Variants in VGLL4 observed in about 807,000 individuals in gnomAD.
VGLL4 encodes vestigial like family member 4, also known as transcription cofactor vestigial-like protein 4.
In VGLL4, 7 loss-of-function variants were observed where a neutral mutation model predicts 21.0. The ratio of observed to expected loss-of-function variants is 0.33; its 90% CI spans 0.19 to 0.63. The LOEUF (loss-of-function observed/expected upper bound fraction) is 0.63, where lower values mean the gene tolerates loss of function less well. VGLL4 is among the 20% of genes least tolerant of loss of function. VGLL4 has a pLI of 0.78. For synonymous variants in VGLL4, 222 were observed against 173.2 expected, an observed-to-expected ratio of 1.28 and a Z score of -2.21; for missense variants, 394 against 425.7, an observed-to-expected ratio of 0.93 and a Z score of 0.66.
rs146236731 is a variant in VGLL4, at chr3:11,683,299, C to T, written c.64+19672G>A. On this transcript the variant is annotated intron_variant, in intron 2 of 5. Transcript: ENST00000273038. ...AGGAAACAATAGATGTTGGCATAGA[C>T]ATGGTGAAAAGGGAACACTTAAATA... 2.2e-3 allele frequency among the ~76,000 whole-genome samples: 342 copies of T among 152,208 alleles called. 2 individuals carry two copies. The highest frequency in any genetic ancestry group is 7.9e-3 in the African/African-American group (329 of 41,528).
chr3:11,651,941 C>T (rs1040146928), intron 2 of VGLL4, among the ~76,000 whole-genome samples: 5 of 152,102 alleles, frequency 3.3e-5, no homozygotes, highest in African/African-American at 1.2e-4. Flanking sequence ...TATCATTAAA[C>T]TATGTCTTAG....
Position 11,568,754 on chromosome 3 carries a change from G to T in VGLL4, c.273-3735C>A. On this transcript the variant is annotated intron_variant, in intron 2 of 4. Coordinates refer to ENST00000430365, the MANE Select transcript of VGLL4 (RefSeq NM_001128219.3). This position sits in a 1 kb window ranked among gnomAD's most constrained non-coding sequence, Gnocchi z 5.9. ...AGAAAACCGCACGCATCCTGCCCGG[G>T]AGATGGAAGTCGCCTCCGCTCCTGG... is the stretch of plus-strand genomic sequence containing the variant. 6.6e-7 allele frequency: 1 copy of T among 1,514,238 alleles called. No homozygotes were observed. Among genetic ancestry groups the T allele is most frequent in the Non-Finnish European group, 8.8e-7 (1 of 1,130,862 alleles). 93.8% of individuals were successfully genotyped at this position (1,514,238 alleles called of 1,614,324 possible).
intron 1 of VGLL4, among the ~76,000 whole-genome samples, chr3:11,602,666 C>T (rs1013702567): frequency 2.6e-5 from 4 of 152,098 alleles, no homozygotes; most frequent in African/African-American, 4.8e-5. Flanking sequence ...AAGCATAATA[C>T]GTGGGTAGGT....
In VGLL4 at chr3:11,643,614, A is replaced by G. The variant is rs542361185; in HGVS notation, c.-96T>C. On this transcript the variant is annotated 5_prime_UTR_variant, in exon 1 of 5. Coordinates refer to ENST00000430365, the MANE Select transcript of VGLL4 (RefSeq NM_001128219.3). The stretch of plus-strand genomic sequence containing the variant: ...TTGCTGAGTAGCTCCTGGCTCTTCA[A>G]CTTCACAAAGGCAGAGGCCCAGCCT... The G allele has an allele frequency of 3.2e-6, 5 of 1,586,454 alleles. No individual in the cohort carries two copies. Among genetic ancestry groups the G allele is most frequent in the East Asian group, 2.2e-5 (1 of 44,530 alleles).
chr3:11,593,811 A>G (rs1046880814), intron 2 of VGLL4, among the ~76,000 whole-genome samples: 1 of 152,186 alleles, frequency 6.6e-6, no homozygotes, highest in African/African-American at 2.4e-5. Flanking sequence ...CCGTGTTTCA[A>G]AGGCCCCCCA....
At chr3:11,695,462 T>G (rs1028413435) in intron 2 of VGLL4, among the ~76,000 whole-genome samples, 8 of 152,116 alleles carry the variant, frequency 5.3e-5, no homozygotes, top group Non-Finnish European at 1.0e-4. Flanking sequence ...TATACATACC[T>G]ATGTGTGTAT....
chr3:11,567,270 A>G (rs1375064936), intron 2 of VGLL4, among the ~76,000 whole-genome samples: 3 of 152,136 alleles, frequency 2.0e-5, no homozygotes, highest in Non-Finnish European at 4.4e-5. Context: ...AAACAATCAG[A>G]GCGGCGCAGT....
intron 1 of VGLL4, among the ~76,000 whole-genome samples, chr3:11,714,979 C>CA (rs1225572051): frequency 1.3e-5 from 2 of 151,618 alleles, no homozygotes; most frequent in East Asian, 2.0e-4. Context: ...ATTAAAAATA[C>CA]AAAAAATTAG....
At chr3:11,603,335 G>C (rs1048324843) in intron 1 of VGLL4, among the ~76,000 whole-genome samples, 2 of 152,048 alleles carry the variant, frequency 1.3e-5, no homozygotes, top group African/African-American at 4.8e-5. Flanking sequence ...AAGCAAACTG[G>C]AACTTTCCAT....
At chr3:11,651,113 C>T (rs894560898) in intron 2 of VGLL4, among the ~76,000 whole-genome samples, 2 of 151,958 alleles carry the variant, frequency 1.3e-5, no homozygotes, top group Admixed American at 6.5e-5. Context: ...TTTGGGAGGG[C>T]GGGTGGATCA....
chr3:11,715,624 G>C (rs934638489), intron 1 of VGLL4, among the ~76,000 whole-genome samples: 1 of 152,098 alleles, frequency 6.6e-6, no homozygotes, highest in Non-Finnish European at 1.5e-5. Context: ...GTGAGCCACC[G>C]GGCCCGGCCC....
At position 11,673,999 on chromosome 3, in the gene VGLL4, G is replaced by A. The variant is rs184268950; in HGVS notation, c.64+28972C>T. ...TGCACTCCAGCCTGGGTGACAGAGCGAGACTTTGTCTCAAAAAAAAAAAAA... is the reference window on the plus strand; with the variant it reads ...TGCACTCCAGCCTGGGTGACAGAGCAAGACTTTGTCTCAAAAAAAAAAAAA... On this transcript the variant is annotated intron_variant, in intron 2 of 5. Coordinates refer to the VGLL4 transcript ENST00000273038. 6.3e-3 allele frequency among the ~76,000 whole-genome samples: 784 copies of A among 123,502 alleles called. 7 individuals carry two copies. Among genetic ancestry groups the A allele is most frequent in the African/African-American group, 0.023 (732 of 31,796 alleles). The allele number at this position is 123,502 out of a possible 152,430, so 81.0% of individuals were successfully genotyped here.
intron 1 of VGLL4, chr3:11,604,433 G>A: frequency 1.0e-6 from 1 of 957,366 alleles, no homozygotes; most frequent in African/African-American, 1.8e-5. Flanking sequence ...TTACAGCAAA[G>A]GAAAAGAATC....
intron 1 of VGLL4, among the ~76,000 whole-genome samples, chr3:11,628,146 T>C (rs897751364): frequency 5.3e-5 from 8 of 152,164 alleles, no homozygotes; most frequent in Admixed American, 1.3e-4. Context: ...CCCAGCACTT[T>C]GGGAGGCCAA....
chr3:11,651,304 T>C (rs969341246), intron 2 of VGLL4, among the ~76,000 whole-genome samples: 4 of 148,280 alleles, frequency 2.7e-5, no homozygotes, highest in Non-Finnish European at 4.5e-5. Context: ...GATTGTACCA[T>C]TGCACTCCAG....
intron 1 of VGLL4, among the ~76,000 whole-genome samples, chr3:11,638,394 G>T (rs1288541775): frequency 6.6e-6 from 1 of 152,062 alleles, no homozygotes; most frequent in Non-Finnish European, 1.5e-5. Flanking sequence ...GAGCTGGAAG[G>T]AAGGGTATAA....
intron 2 of VGLL4, among the ~76,000 whole-genome samples, chr3:11,597,341 T>A (rs1436233134): frequency 6.6e-6 from 1 of 152,160 alleles, no homozygotes; most frequent in Non-Finnish European, 1.5e-5. Context: ...ACTTTTCAAC[T>A]TCCAAACAGA....
chr3:11,619,188 T>A (rs532039268), intron 1 of VGLL4, among the ~76,000 whole-genome samples: 1 of 152,210 alleles, frequency 6.6e-6, no homozygotes, highest in Non-Finnish European at 1.5e-5. Context: ...AAGGTACAGC[T>A]GAGCTCGGGT....
intron 1 of VGLL4, among the ~76,000 whole-genome samples, chr3:11,715,881 G>C (rs1340725816): frequency 6.6e-6 from 1 of 152,136 alleles, no homozygotes; most frequent in Non-Finnish European, 1.5e-5. Context: ...ACTCAAGCCT[G>C]AATGAAGCTC....
Sources: gnomAD v4.1 joint callset for allele counts (sites outside exome capture counted in the v4.1 genomes callset) on GRCh38, gnomAD v4.1.1 for gene constraint, Gnocchi (gnomAD v3.1) non-coding constraint, MANE v1.5 for transcripts, NCBI Gene and HGNC (gene_info 2026-07-23, HGNC 2026-07-21) for gene names.